DLG2: variants seen among roughly 807,000 people sequenced by gnomAD.
The protein encoded by DLG2 is disks large homolog 2.
A neutral mutation model predicts 132.5 loss-of-function variants in DLG2; 45 were observed. That is an observed-to-expected ratio of 0.34 (90% CI 0.27 to 0.44). The LOEUF (loss-of-function observed/expected upper bound fraction) is 0.44, where lower values mean the gene tolerates loss of function less well. Ranked by LOEUF, DLG2 falls within the 20% of genes least tolerant of loss-of-function variation. The pLI is 1.00. For missense variants in DLG2, 1,045 were observed against 1,196.9 expected, an observed-to-expected ratio of 0.87 and a Z score of 1.87; for synonymous variants, 424 against 419.6, an observed-to-expected ratio of 1.01 and a Z score of -0.13.
intron 3 of DLG2, among the ~76,000 whole-genome samples, chr11:85,500,549 AT>A (rs66707490): frequency 4.9e-4 from 15 of 30,712 alleles, no homozygotes; most frequent in African/African-American, 1.2e-3. Flanking sequence ...AATAAAAAAA[AT>A]AAAAATAAAA....
intron 3 of DLG2, among the ~76,000 whole-genome samples, chr11:85,393,710 G>A (rs1596846041): frequency 6.6e-6 from 1 of 151,652 alleles, no homozygotes; most frequent in Non-Finnish European, 1.5e-5. Context: ...TTATGGCCAA[G>A]TGGTATTCTA....
At chr11:84,789,421 A>AT (rs1244351911) in intron 6 of DLG2, among the ~76,000 whole-genome samples, 2 of 151,954 alleles carry the variant, frequency 1.3e-5, no homozygotes, top group Non-Finnish European at 2.9e-5. Flanking sequence ...CCTAATTTTT[A>AT]TTTTTTGTGG....
intron 6 of DLG2, among the ~76,000 whole-genome samples, chr11:84,721,581 C>G (rs1015362345): frequency 2.7e-5 from 4 of 150,026 alleles, no homozygotes; most frequent in Admixed American, 2.7e-4. Context: ...GGCTGGCTGG[C>G]ACAGCTGCAA....
chr11:85,074,402 G>A (rs1229716721), intron 6 of DLG2, among the ~76,000 whole-genome samples: 1 of 151,720 alleles, frequency 6.6e-6, no homozygotes, highest in East Asian at 1.9e-4. Flanking sequence ...AGGAAGTAAT[G>A]ACCTGCCTTA....
At chr11:84,186,559 G>T (rs918657897) in intron 8 of DLG2, among the ~76,000 whole-genome samples, 3 of 151,882 alleles carry the variant, frequency 2.0e-5, no homozygotes, top group Non-Finnish European at 4.4e-5. Context: ...AAGTTTGTCA[G>T]ACCTAGATCT....
intron 11 of DLG2, among the ~76,000 whole-genome samples, chr11:83,987,678 C>A (rs1311867249): frequency 1.3e-5 from 2 of 152,094 alleles, no homozygotes; most frequent in Non-Finnish European, 2.9e-5. Context: ...CTTCCTTACA[C>A]CTTATACAAA....
intron 7 of DLG2, among the ~76,000 whole-genome samples, chr11:84,483,227 G>A (rs551078478): frequency 1.1e-4 from 17 of 152,236 alleles, no homozygotes; most frequent in African/African-American, 3.9e-4. Context: ...GAGGTCAGGA[G>A]TTCAAGACCA....
chr11:83,617,882 A>G, intron 19 of DLG2, among the ~76,000 whole-genome samples: 1 of 152,126 alleles, frequency 6.6e-6, no homozygotes, highest in East Asian at 1.9e-4. Context: ...CTATAGTCCC[A>G]GGTACTCAGG....
chr11:83,938,398 G>T (rs1016267344), intron 14 of DLG2, among the ~76,000 whole-genome samples: 2 of 152,102 alleles, frequency 1.3e-5, no homozygotes, highest in Non-Finnish European at 2.9e-5. Flanking sequence ...AGAGTGAAAG[G>T]GGTGAAAGAG....
At chr11:83,873,789 C>T (rs2063963838) in intron 16 of DLG2, among the ~76,000 whole-genome samples, 1 of 152,052 alleles carries the variant, frequency 6.6e-6, no homozygotes, top group Non-Finnish European at 1.5e-5. Context: ...CTTCAGTCCT[C>T]AGCTCAAGAG....
chr11:84,263,992 A>T lies in DLG2; in HGVS notation c.520-12701T>A, dbSNP rs552980130. Among the ~76,000 whole-genome samples, 83 of 152,250 alleles carry T rather than the reference A, an allele frequency of 5.5e-4. 1 individual carries two copies. In the South Asian group the frequency reaches 0.015, roughly 28 times the overall value. On this transcript the variant is annotated intron_variant, in intron 7 of 27. Coordinates refer to ENST00000376104, the MANE Select transcript of DLG2 (RefSeq NM_001142699.3). ...TTTAGTTTCATTTTCCCTTATTTTAAATTCTCATAACATCTGTAAGTCTAA... is the reference window on the plus strand; with the variant it reads ...TTTAGTTTCATTTTCCCTTATTTTATATTCTCATAACATCTGTAAGTCTAA...
At chr11:84,371,591 G>T (rs2154429036) in intron 7 of DLG2, among the ~76,000 whole-genome samples, 1 of 152,040 alleles carries the variant, frequency 6.6e-6, no homozygotes, top group South Asian at 2.1e-4. Context: ...TTATTCTATT[G>T]GTCAGAATCG....
At chr11:85,600,087 A>G (rs2080046699) in intron 2 of DLG2, among the ~76,000 whole-genome samples, 1 of 152,178 alleles carries the variant, frequency 6.6e-6, no homozygotes, top group Admixed American at 6.5e-5. Flanking sequence ...TATTACATGG[A>G]AAATCAGAAG....
At chr11:84,561,917 A>G (rs2099429477) in intron 6 of DLG2, among the ~76,000 whole-genome samples, 1 of 152,152 alleles carries the variant, frequency 6.6e-6, no homozygotes, top group African/African-American at 2.4e-5. Context: ...GTTTCAACCA[A>G]ACAGAATTCA....
At chr11:83,462,288 C>T in intron 26 of DLG2, 195 bp from the exon 27 acceptor site, 1 of 555,384 alleles carries the variant, frequency 1.8e-6, no homozygotes, top group Non-Finnish European at 3.2e-6. Flanking sequence ...CTCATTCTCT[C>T]AAAGGGCAGT....
At chr11:84,072,666 G>A (rs112996859) in intron 10 of DLG2, among the ~76,000 whole-genome samples, 13 of 152,292 alleles carry the variant, frequency 8.5e-5, no homozygotes, top group South Asian at 2.1e-4. Context: ...GTCTTGGTAC[G>A]ACATGTTAAA....
At chr11:83,555,072 G>A (rs2096487765) in intron 19 of DLG2, among the ~76,000 whole-genome samples, 1 of 152,236 alleles carries the variant, frequency 6.6e-6, no homozygotes, top group African/African-American at 2.4e-5. Context: ...TATTCTGGAG[G>A]GACCAGGTTG....
At chr11:84,635,978 A>G (rs1291693218) in intron 6 of DLG2, among the ~76,000 whole-genome samples, 1 of 152,248 alleles carries the variant, frequency 6.6e-6, no homozygotes, top group Non-Finnish European at 1.5e-5. Flanking sequence ...GTGAAAAGCC[A>G]AGGACAAAAT....
chr11:85,492,716 A>AAAATATAGG (rs1000987446), intron 3 of DLG2, among the ~76,000 whole-genome samples: 10 of 145,760 alleles, frequency 6.9e-5, no homozygotes, highest in Admixed American at 5.3e-4. Flanking sequence ...GGTCTGACTT[A>AAAATATAGG]AAATATAGGT....
Sources: gnomAD v4.1 joint callset for allele counts (sites outside exome capture counted in the v4.1 genomes callset) on GRCh38, gnomAD v4.1.1 for gene constraint, MANE v1.5 for transcripts, NCBI Gene and HGNC (gene_info 2026-07-23, HGNC 2026-07-21) for gene names.